The following TMEM132E variants were observed in gnomAD, a reference collection of about 807,000 sequenced individuals.
TMEM132E encodes transmembrane protein 132E.
TMEM132E carries 49 observed loss-of-function variants against 78.5 expected under a neutral mutation model. The observed-to-expected ratio is 0.62, with a 90% confidence interval of 0.50 to 0.79. The LOEUF is 0.79. Among genes scored for constraint, TMEM132E ranks in the 30% least tolerant of loss-of-function variants. TMEM132E has a pLI of 0.00. For synonymous variants in TMEM132E, 715 were observed against 670.6 expected (o/e 1.07, Z -1.02); for missense variants, 1,403 against 1,470.9 (o/e 0.95, Z 0.75).
intron 7 of TMEM132E, 30 bp downstream of exon 7, chr17:34,635,117 G>T: frequency 6.4e-7 from 1 of 1,562,406 alleles, no homozygotes; most frequent in Non-Finnish European, 8.7e-7. Flanking sequence ...CAGCACAAAG[G>T]GGCAGTGTCG....
intron 1 of TMEM132E, among the ~76,000 whole-genome samples, chr17:34,622,222 G>A (rs114546596): frequency 0.012 from 1,830 of 152,274 alleles, 33 homozygotes; most frequent in African/African-American, 0.042. Context: ...ACACCAGAAC[G>A]CTTCCAGGGC....
Position 34,611,672 on chromosome 17 carries a change from G to C in TMEM132E, c.68-14455G>C, listed in dbSNP as rs150159534. On this transcript the variant is annotated intron_variant, in intron 1 of 8. Transcript: ENST00000631683. Reference sequence around the variant, plus strand: ...GACGTCACGTGCGAGCCAGGGTCTAGGAGAAGCACTCTGCCTGGATTCCCA... The same window carrying C: ...GACGTCACGTGCGAGCCAGGGTCTACGAGAAGCACTCTGCCTGGATTCCCA... 1.2e-4 allele frequency among the ~76,000 whole-genome samples: 18 copies of C among 152,316 alleles called. No individual in the cohort carries two copies. In the East Asian group the frequency reaches 3.5e-3, roughly 29 times the overall value.
At chr17:34,611,682 T>C (rs1432747199) in intron 1 of TMEM132E, among the ~76,000 whole-genome samples, 1 of 152,206 alleles carries the variant, frequency 6.6e-6, no homozygotes, top group Non-Finnish European at 1.5e-5. Flanking sequence ...GGAGAAGCAC[T>C]CTGCCTGGAT....
chr17:34,591,186 C>T (rs1299922223), intron 1 of TMEM132E, among the ~76,000 whole-genome samples: 1 of 152,166 alleles, frequency 6.6e-6, no homozygotes, highest in East Asian at 1.9e-4. Flanking sequence ...AGGGACATGC[C>T]TGTGACTTCA....
In TMEM132E at chr17:34,628,632, G is replaced by C. The variant is rs201228041; in HGVS notation, c.1068G>C (p.Ser356=). 33 of 1,613,786 alleles carry C rather than the reference G, an allele frequency of 2.0e-5. No individual in the cohort carries two copies. The East Asian group carries it at 7.1e-4, about 35-fold the overall frequency. Reference sequence around the variant, plus strand: ...GGAGTGGCCAGTGGCATGTGACCTCGGAGCTGCTGACTGGGGCAAAGCACT... The same window carrying C: ...GGAGTGGCCAGTGGCATGTGACCTCCGAGCTGCTGACTGGGGCAAAGCACT... ...KSRSGQWHVT[S]ELLTGAKHST... The change falls in exon 3 of 9, where the codon TCG becomes TCC. Residue 356 remains serine (S), a synonymous_variant. Coordinates refer to ENST00000631683, the MANE Select transcript of TMEM132E (RefSeq NM_001304438.2).
chr17:34,623,762 C>T (rs1293961890), intron 1 of TMEM132E, among the ~76,000 whole-genome samples: 1 of 152,194 alleles, frequency 6.6e-6, no homozygotes, highest in African/African-American at 2.4e-5. Context: ...CCAGTTGGTT[C>T]GCCTGCTTGC....
rs1234366899 is a variant in TMEM132E, at chr17:34,628,490, TG to T, written c.999-72del. ...TCCCCCTCCCCCCAGTACAGTCTAG[TG>T]ATGGTGGCCAGGCAGGCAGCTTTGG... On this transcript the variant is annotated intron_variant, in intron 2 of 8. Transcript: ENST00000631683. The T allele has an allele frequency of 3.2e-6, 5 of 1,583,756 alleles. No homozygotes were observed. In the Admixed American group the frequency reaches 7.1e-5, roughly 22 times the overall value.
rs1181123990 is a variant in TMEM132E at position 34,637,720 on chromosome 17, T to C, written c.2713T>C (p.Phe905Leu). 1.2e-6 allele frequency: 2 copies of C among 1,613,402 alleles called. No homozygotes were observed. Among genetic ancestry groups the C allele is most frequent in the East Asian group, 2.2e-5 (1 of 44,874 alleles). ...LGVFCLAILV[F>L]LINCIVFVLR... ...CGTCTTCTGCCTCGCCATCCTCGTC[T>C]TCCTCATCAACTGCATCGTTTTTGT... The change falls in exon 9 of 9, where the codon TTC becomes CTC. Residue 905 changes from phenylalanine (F) to leucine (L), a missense_variant. Phe to Leu is a conservative substitution (Grantham distance 22). This residue lies in a region of TMEM132E where 888 missense variants were observed against 952.8 expected (regional missense o/e 0.93). Coordinates refer to ENST00000631683, the MANE Select transcript of TMEM132E (RefSeq NM_001304438.2).
intron 1 of TMEM132E, among the ~76,000 whole-genome samples, chr17:34,586,508 G>A (rs1014663816): frequency 1.3e-5 from 2 of 151,796 alleles, no homozygotes; most frequent in African/African-American, 4.8e-5. Context: ...AGAAAGGGGG[G>A]ACTGAGACAA....
rs1304173346 is a variant in TMEM132E at position 34,626,821 on chromosome 17, C to G, written c.762C>G (p.Pro254=). The G allele has an allele frequency of 1.9e-6, 3 of 1,544,198 alleles. No homozygotes were observed. Among genetic ancestry groups the G allele is most frequent in the East Asian group, 2.4e-5 (1 of 41,188 alleles). ...GCGGSRRGAG[P]GVGARAESPT... is the part of the protein sequence containing the mutation. ...GGGGCTCCCGCCGGGGGGCCGGGCC[C>G]GGGGTGGGGGCCCGAGCGGAAAGCC... Residue 254 remains proline, a synonymous_variant, in exon 2 of 9, where the codon CCC becomes CCG. Transcript: ENST00000631683.
chr17:34,609,595 G>A (rs1390398238), intron 1 of TMEM132E, among the ~76,000 whole-genome samples: 1 of 152,200 alleles, frequency 6.6e-6, no homozygotes, highest in Non-Finnish European at 1.5e-5. Context: ...AAGTGTGTGT[G>A]GTATGTGTGG....
At chr17:34,611,166 A>T (rs894207481) in intron 1 of TMEM132E, among the ~76,000 whole-genome samples, 2 of 152,258 alleles carry the variant, frequency 1.3e-5, no homozygotes, top group African/African-American at 4.8e-5. Flanking sequence ...AGGGAACAGC[A>T]TGTGCAAAGG....
chr17:34,600,705 C>T (rs927748113), intron 1 of TMEM132E, among the ~76,000 whole-genome samples: 4 of 152,116 alleles, frequency 2.6e-5, no homozygotes, highest in Admixed American at 1.3e-4. Context: ...AGTTGGAGTG[C>T]GGCCCCGGCA....
chr17:34,638,058 C>T lies in TMEM132E; in HGVS notation c.3051C>T (p.Thr1017=). Residue 1017 remains threonine (T), a synonymous_variant, in exon 9 of 9, where the codon ACC becomes ACT. Coordinates refer to ENST00000631683, the MANE Select transcript of TMEM132E (RefSeq NM_001304438.2). ...TSKRKRVKFT[T]FTTLPSEELA... ...AGCGCAAGCGGGTCAAGTTCACCAC[C>T]TTCACCACGCTGCCGTCAGAGGAGC... The T allele has an allele frequency of 6.3e-7, 1 of 1,579,470 alleles. No individual in the cohort carries two copies. Among genetic ancestry groups the T allele is most frequent in the South Asian group, 1.1e-5 (1 of 87,208 alleles).
intron 2 of TMEM132E, among the ~76,000 whole-genome samples, chr17:34,627,436 G>GAGC (rs1222371764): frequency 7.0e-6 from 1 of 143,604 alleles, no homozygotes; most frequent in Non-Finnish European, 1.5e-5. Flanking sequence ...TGGGTCCAGA[G>GAGC]AGCAGCCTCT....
rs139769769 is a variant in TMEM132E at position 34,593,690 on chromosome 17, G to A, written c.67+12547G>A. On this transcript the variant is annotated intron_variant, in intron 1 of 8. Transcript: ENST00000631683. ...TTCAGAGGCAGCAGCTTCTAGGGCC[G>A]GGGTAGGCAGCTTCCAGCTGCCTCC... Among the ~76,000 whole-genome samples, 224 of 152,338 alleles carry A rather than the reference G, an allele frequency of 1.5e-3. 1 individual carries two copies. Among genetic ancestry groups the A allele is most frequent in the African/African-American group, 5.1e-3 (214 of 41,582 alleles).
In TMEM132E at chr17:34,638,188, C is replaced by G. The variant is rs763116200; in HGVS notation, c.3181C>G (p.Pro1061Ala). 7.5e-5 allele frequency: 120 copies of G among 1,605,866 alleles called. No individual in the cohort carries two copies. Among genetic ancestry groups the G allele is most frequent in the Middle Eastern group, 1.7e-4 (1 of 6,046 alleles). ...GGGCCCCACGCGGCCCACTGCACCC[C>G]CGGACCTGCACAATTACATGCGCAG... ...VAGPTRPTAP[P>A]DLHNYMRRIK... The change falls in exon 9 of 9, where the codon CCG becomes GCG. Residue 1061 changes from proline (P) to alanine (A), a missense_variant. By Grantham distance (27) the Pro-to-Ala change is conservative. Around this residue, in one of 3 missense-constraint regions of TMEM132E, gnomAD observed 888 missense variants for 952.8 expected, o/e 0.93. Coordinates refer to ENST00000631683, the MANE Select transcript of TMEM132E (RefSeq NM_001304438.2).
At chr17:34,598,524 A>C (rs552947270) in intron 1 of TMEM132E, among the ~76,000 whole-genome samples, 1 of 152,232 alleles carries the variant, frequency 6.6e-6, no homozygotes, top group East Asian at 1.9e-4. Context: ...GGCCCCAGGG[A>C]AGCTCAGCAG....
At chr17:34,634,534 C>T (rs777493751) in intron 6 of TMEM132E, among the ~76,000 whole-genome samples, 19 of 152,228 alleles carry the variant, frequency 1.2e-4, no homozygotes, top group South Asian at 4.1e-4. Flanking sequence ...TAGGATTTGA[C>T]GCCAGCTATT....
Sources: allele counts gnomAD v4.1 joint callset (sites outside exome capture counted in the v4.1 genomes callset), GRCh38; gene constraint gnomAD v4.1.1; regional missense constraint gnomAD v4.1.1; transcripts MANE v1.5; gene names NCBI Gene and HGNC (gene_info 2026-07-23, HGNC 2026-07-21).